The following MAPT variants were observed in gnomAD, a reference collection of about 807,000 sequenced individuals.
The protein encoded by MAPT is microtubule-associated protein tau.
Under a neutral mutation model 67.9 loss-of-function variants are expected in MAPT, and 34 were observed. The ratio of observed to expected loss-of-function variants is 0.50; its 90% CI spans 0.38 to 0.67. The LOEUF is 0.67. MAPT is among the 30% of genes least tolerant of loss of function. The probability of loss-of-function intolerance (pLI) is 0.00; values close to 1 mark genes in which losing one functional copy is unlikely to be tolerated. For missense variants in MAPT, 881 were observed against 1,115.2 expected (o/e 0.79, Z 2.99); for synonymous variants, 456 against 464.5 (o/e 0.98, Z 0.23).
At chr17:45,972,036 C>CT (rs755590753) in intron 3 of MAPT, 91 bp downstream of exon 3, 22 of 923,314 alleles carry the variant, frequency 2.4e-5, no homozygotes, top group Non-Finnish European at 3.9e-5. Context: ...GCTGCTCCCC[C>CT]TGGCTGAGAG....
At chr17:45,959,676 G>A (rs529930286) in intron 1 of MAPT, among the ~76,000 whole-genome samples, 136 of 152,226 alleles carry the variant, frequency 8.9e-4, no homozygotes, top group Non-Finnish European at 1.5e-3. Context: ...AGCTACTCGG[G>A]AGGCTGAGGC....
chr17:45,923,221 A>G (rs2065931809), intron 1 of MAPT, among the ~76,000 whole-genome samples: 1 of 152,180 alleles, frequency 6.6e-6, no homozygotes, highest in South Asian at 2.1e-4. Flanking sequence ...CACCTGCTGG[A>G]TGCTGTAGAT....
chr17:46,001,714 A>G (rs976627581), intron 9 of MAPT, among the ~76,000 whole-genome samples: 1 of 152,208 alleles, frequency 6.6e-6, no homozygotes, highest in African/African-American at 2.4e-5. Context: ...TTATTCATTC[A>G]TTCAGACAAC....
At chr17:45,919,594 A>G (rs56303672) in intron 1 of MAPT, among the ~76,000 whole-genome samples, 21,852 of 152,278 alleles carry the variant, frequency 0.14, 2,147 homozygotes, top group Middle Eastern at 0.22. Context: ...GTGGAGGCAG[A>G]TGAGGTTTAA....
intron 1 of MAPT, among the ~76,000 whole-genome samples, chr17:45,919,149 G>A (rs2065460030): frequency 6.6e-6 from 1 of 152,034 alleles, no homozygotes; most frequent in Non-Finnish European, 1.5e-5. Context: ...CCTTGTTGTG[G>A]GACTGGGAGT....
At chr17:45,941,680 C>CCT (rs2067928765) in intron 1 of MAPT, among the ~76,000 whole-genome samples, 1 of 47,224 alleles carries the variant, frequency 2.1e-5, no homozygotes, top group Non-Finnish European at 3.8e-5. Context: ...CCCCCCTTCC[C>CCT]TCCTTCCTTC....
In MAPT at chr17:45,965,895, C is replaced by T. The variant is rs539695300; in HGVS notation, c.133+3425C>T. Among the ~76,000 whole-genome samples the T allele has an allele frequency of 3.1e-4, 47 of 152,306 alleles. 1 individual carries two copies. The South Asian group carries it at 9.5e-3, about 31-fold the overall frequency. On this transcript the variant is annotated intron_variant, in intron 2 of 12. Transcript: ENST00000262410. ...CACAACAGCCCGTGAGGGTGGATGA[C>T]GTCCGCTTCACAGATGACAAAGGAG...
intron 1 of MAPT, among the ~76,000 whole-genome samples, chr17:45,927,170 G>A (rs190542548): frequency 1.3e-5 from 2 of 152,020 alleles, no homozygotes; most frequent in East Asian, 3.9e-4. Context: ...ACAAAAAATT[G>A]GAGGAAGAAG....
At chr17:45,946,165 T>A (rs1234878698) in intron 1 of MAPT, among the ~76,000 whole-genome samples, 1 of 152,130 alleles carries the variant, frequency 6.6e-6, no homozygotes, top group Non-Finnish European at 1.5e-5. Context: ...TCTCATCCAC[T>A]TGGGGCTCTG....
chr17:45,961,890 C>G (rs1302097322), intron 1 of MAPT, among the ~76,000 whole-genome samples: 3 of 152,068 alleles, frequency 2.0e-5, no homozygotes, highest in Non-Finnish European at 4.4e-5. Flanking sequence ...ATTCTCCTGC[C>G]TCAGCCTCCC....
chr17:45,956,923 G>A (rs1390320475), intron 1 of MAPT, among the ~76,000 whole-genome samples: 1 of 151,774 alleles, frequency 6.6e-6, no homozygotes, highest in African/African-American at 2.4e-5. Flanking sequence ...CAAAGGACAT[G>A]AACTCATCAT....
intron 11 of MAPT, among the ~76,000 whole-genome samples, chr17:46,014,542 G>A (rs1033898620): frequency 3.9e-5 from 6 of 152,190 alleles, no homozygotes; most frequent in African/African-American, 1.4e-4. Context: ...GACAAGGTGA[G>A]GCGGGAGTGA....
intron 8 of MAPT, chr17:45,994,015 T>A: frequency 1.0e-5 from 16 of 1,537,434 alleles, no homozygotes; most frequent in Non-Finnish European, 1.4e-5. Flanking sequence ...CAGCCTCCCT[T>A]TGCGTGTGTG....
intron 5 of MAPT, among the ~76,000 whole-genome samples, chr17:45,986,800 T>G (rs2073589610): frequency 6.6e-6 from 1 of 152,204 alleles, no homozygotes; most frequent in South Asian, 2.1e-4. Context: ...GGTCCCACCC[T>G]CGGCCAGCCT....
intron 8 of MAPT, chr17:45,993,790 C>T (rs1388053477): frequency 8.6e-6 from 7 of 812,728 alleles, no homozygotes; most frequent in African/African-American, 6.8e-5. Flanking sequence ...AGACCCTCCC[C>T]CTTGGGCCCC....
chr17:45,966,361 G>C (rs1024064546), intron 2 of MAPT, among the ~76,000 whole-genome samples: 1 of 152,180 alleles, frequency 6.6e-6, no homozygotes, highest in Non-Finnish European at 1.5e-5. Context: ...GCTGAGGCAG[G>C]TGGATTGCTT....
chr17:46,016,974 C>T (rs557022945), intron 11 of MAPT, among the ~76,000 whole-genome samples: 30 of 152,278 alleles, frequency 2.0e-4, no homozygotes, highest in African/African-American at 6.7e-4. Context: ...GAGTCCAGAG[C>T]GGGGACTTCT....
At chr17:45,994,037 G>C in intron 8 of MAPT, 1 of 1,494,782 alleles carries the variant, frequency 6.7e-7, no homozygotes, top group Non-Finnish European at 9.1e-7. Context: ...CCATTCACTG[G>C]CTTGTGTTTC....
rs146835860 is a variant in MAPT at position 45,989,377 on chromosome 17, G to A, written c.1408-501G>A. Among the ~76,000 whole-genome samples, 827 of 152,188 alleles carry A rather than the reference G, an allele frequency of 5.4e-3. 6 individuals are homozygous for A. Among genetic ancestry groups the A allele is most frequent in the African/African-American group, 0.019 (777 of 41,504 alleles). On this transcript the variant is annotated intron_variant, in intron 6 of 12. Transcript: ENST00000262410. ...TCTAAAAGCTTTGTCAGGGCCAGGC[G>A]CGGTGGCTCACGCCTGTAATCCCAG...
Sources: gnomAD v4.1 joint callset for allele counts (sites outside exome capture counted in the v4.1 genomes callset) on GRCh38, gnomAD v4.1.1 for gene constraint, MANE v1.5 for transcripts, NCBI Gene and HGNC (gene_info 2026-07-23, HGNC 2026-07-21) for gene names.